Variants in SPHK2 observed in about 807,000 individuals in gnomAD.
SPHK2 encodes sphingosine kinase 2.
A neutral mutation model predicts 32.3 loss-of-function variants in SPHK2; 18 were observed. The ratio of observed to expected loss-of-function variants is 0.56; its 90% CI spans 0.39 to 0.83. The LOEUF (loss-of-function observed/expected upper bound fraction) is 0.83. Ranked by LOEUF, SPHK2 falls within the 40% of genes least tolerant of loss-of-function variation. The probability of loss-of-function intolerance (pLI) is 0.00; values close to 1 mark genes in which losing one functional copy is unlikely to be tolerated. For synonymous variants in SPHK2, 462 were observed against 417.6 expected (o/e 1.11, Z -1.30); for missense variants, 850 against 908.7 (o/e 0.94, Z 0.83).
In SPHK2 at chr19:48,629,651, C is replaced by G; in HGVS notation, c.1843C>G (p.Pro615Ala). ...TGCCTTCCGCCTAGAGCCGCTCACA[C>G]CACGCGGCGTGCTCACAGTGGACGG... ...ARAFRLEPLT[P>A]RGVLTVDGEQ... Residue 615 changes from proline (P) to alanine (A), a missense_variant, in exon 7 of 7, where the codon CCA becomes GCA. Coordinates refer to ENST00000245222, the MANE Select transcript of SPHK2 (RefSeq NM_020126.5). The G allele has an allele frequency of 6.2e-7, 1 of 1,603,738 alleles. No individual in the cohort carries two copies. Among genetic ancestry groups the G allele is most frequent in the Non-Finnish European group, 8.5e-7 (1 of 1,176,052 alleles).
rs562233822 is a variant in SPHK2 at position 48,629,911 on chromosome 19, A to G, written c.*138A>G. On this transcript the variant is annotated 3_prime_UTR_variant, in exon 7 of 7. Transcript: ENST00000245222. The stretch of plus-strand genomic sequence containing the variant: ...CCGTCTCAGGATTGCGCTCGCTTTC[A>G]TGGGACCAGACGTGATGCTGGAAGG... The G allele has an allele frequency of 5.2e-5, 74 of 1,434,724 alleles. 1 individual carries two copies. The East Asian group carries it at 1.6e-3, about 31-fold the overall frequency. The allele number at this position is 1,434,724 out of a possible 1,614,324, so 88.9% of individuals were successfully genotyped here. A position where few individuals can be genotyped will look rare whatever the true frequency, so the allele number is the denominator to read the frequency against.
intron 2 of SPHK2, chr19:48,625,576 G>A (rs1212203981): frequency 2.1e-5 from 29 of 1,403,218 alleles, no homozygotes; most frequent in Non-Finnish European, 2.6e-5. Context: ...TGAAGGCAAG[G>A]ATTTGGGGCT....
Position 48,628,561 on chromosome 19 carries a change from T to G in SPHK2, c.873-120T>G. On this transcript the variant is annotated intron_variant, in intron 6 of 6. Transcript: ENST00000245222. The surrounding 1 kb of genome is among the most constrained non-coding windows in gnomAD (Gnocchi z 5.2). Reference sequence around the variant, plus strand: ...AGTCGCCTGGAGGTGGCCCCACGGCTGTGGTGGGCCTGGGCCATGGCCTTC... The same window carrying G: ...AGTCGCCTGGAGGTGGCCCCACGGCGGTGGTGGGCCTGGGCCATGGCCTTC... 7.7e-7 allele frequency: 1 copy of G among 1,291,324 alleles called. No homozygotes were observed. The highest frequency in any genetic ancestry group is 1.1e-6 in the Non-Finnish European group (1 of 904,812). The allele number at this position is 1,291,324 out of a possible 1,614,324, so 80.0% of individuals were successfully genotyped here. A position where few individuals can be genotyped will look rare whatever the true frequency, so the allele number is the denominator to read the frequency against.
rs1974406788 is a variant in SPHK2 at position 48,621,596 on chromosome 19, G to C, written c.39+1043G>C. 2.0e-5 allele frequency among the ~76,000 whole-genome samples: 3 copies of C among 152,206 alleles called. No individual in the cohort carries two copies. The South Asian group carries it at 6.2e-4, about 32-fold the overall frequency. ...ATAATTTAGGAATCAGAGAAACTGA[G>C]GGGTTGAGGAGGATACTTATTATTT... On this transcript the variant is annotated intron_variant, in intron 2 of 6. Transcript: ENST00000245222.
rs1455324286 is a variant in SPHK2 at position 48,619,545 on chromosome 19, TGAG to T, written c.-114+7_-114+9del. The T allele has an allele frequency of 4.3e-6, 1 of 233,894 alleles. No individual in the cohort carries two copies. The highest frequency in any genetic ancestry group is 8.5e-6 in the Non-Finnish European group (1 of 117,334). The allele number at this position is 233,894 out of a possible 1,614,324, so 14.5% of individuals were successfully genotyped here. ...GACCCGGCGGGCCCAGTGTTGGAGG[TGAG>T]GAGGCGGGGCTGGCAGGGCTAGTCG... On this transcript the variant is annotated splice_donor_5th_base_variant and intron_variant, in intron 1 of 6. Coordinates refer to ENST00000245222, the MANE Select transcript of SPHK2 (RefSeq NM_020126.5).
intron 2 of SPHK2, chr19:48,624,601 T>G (rs1317010864): frequency 6.6e-6 from 1 of 151,314 alleles, no homozygotes; most frequent in Non-Finnish European, 1.5e-5. Flanking sequence ...GAAATAAGAG[T>G]GCGGATGGCG....
intron 2 of SPHK2, chr19:48,624,003 CG>C (rs1974507448): frequency 6.6e-6 from 1 of 152,286 alleles, no homozygotes; most frequent in South Asian, 2.1e-4. Flanking sequence ...GTGTCTGGAT[CG>C]GATCTCTGGG....
rs748176993 is a variant in SPHK2 at position 48,628,451 on chromosome 19, C to G, written c.872+174C>G. 2.2e-6 allele frequency: 2 copies of G among 897,608 alleles called. No individual in the cohort carries two copies. The highest frequency in any genetic ancestry group is 2.6e-5 in the South Asian group (2 of 76,346). The allele number at this position is 897,608 out of a possible 1,614,324, so 55.6% of individuals were successfully genotyped here. On this transcript the variant is annotated intron_variant, in intron 6 of 6. Transcript: ENST00000245222. This position sits in a 1 kb window ranked among gnomAD's most constrained non-coding sequence, Gnocchi z 5.2. ...GCCTGCTTCCCAGCTGTATCCCGAGCGCCCAGAACTCTGCCTGGCATGGGA... is the reference window on the plus strand; with the variant it reads ...GCCTGCTTCCCAGCTGTATCCCGAGGGCCCAGAACTCTGCCTGGCATGGGA...
At chr19:48,625,557 C>CA in intron 2 of SPHK2, 1 of 1,337,820 alleles carries the variant, frequency 7.5e-7, no homozygotes, top group Non-Finnish European at 9.8e-7. Context: ...TCTTGTTTAT[C>CA]TATTCCTATG....
chr19:48,629,653 A>G lies in SPHK2; in HGVS notation c.1845A>G (p.Pro615=). ...CCTTCCGCCTAGAGCCGCTCACACCACGCGGCGTGCTCACAGTGGACGGGG... is the reference window on the plus strand; with the variant it reads ...CCTTCCGCCTAGAGCCGCTCACACCGCGCGGCGTGCTCACAGTGGACGGGG... ...ARAFRLEPLT[P]RGVLTVDGEQ... is the part of the protein sequence containing the mutation. Residue 615 remains proline (P), a synonymous_variant, in exon 7 of 7, where the codon CCA becomes CCG. Coordinates refer to ENST00000245222, the MANE Select transcript of SPHK2 (RefSeq NM_020126.5). 3.1e-6 allele frequency: 5 copies of G among 1,604,162 alleles called. No individual in the cohort carries two copies. Among genetic ancestry groups the G allele is most frequent in the Middle Eastern group, 1.7e-4 (1 of 6,048 alleles).
rs1275708357 is a variant in SPHK2 at position 48,629,876 on chromosome 19, G to A, written c.*103G>A. 2.7e-6 allele frequency: 4 copies of A among 1,459,484 alleles called. No homozygotes were observed. The East Asian group carries it at 9.8e-5, about 36-fold the overall frequency. 90.4% of individuals were successfully genotyped at this position (1,459,484 alleles called of 1,614,324 possible). On this transcript the variant is annotated 3_prime_UTR_variant, in exon 7 of 7. Transcript: ENST00000245222. ...TGGCTGCTAGAGTTGTGGTGGCAGG[G>A]GCCCTGGCCCCGTCTCAGGATTGCG...
At position 48,620,920 on chromosome 19, in the gene SPHK2, C is replaced by CAA. The variant is rs761243344; in HGVS notation, c.39+378_39+379dup. The CAA allele has an allele frequency of 1.8e-3, 217 of 122,088 alleles. 1 individual carries two copies. The highest frequency in any genetic ancestry group is 5.1e-3 in the African/African-American group (178 of 34,918). The allele number at this position is 122,088 out of a possible 1,614,324, so 7.6% of individuals were successfully genotyped here. A position where few individuals can be genotyped will look rare whatever the true frequency, so the allele number is the denominator to read the frequency against. ...TGGGTGACAGAGTGAGACTCCGTCT[C>CAA]AAAAAAAAAAAAGAAAAAACAGGGT... is the stretch of plus-strand genomic sequence containing the variant. On this transcript the variant is annotated intron_variant, in intron 2 of 6. Transcript: ENST00000245222.
At position 48,629,034 on chromosome 19, in the gene SPHK2, C is replaced by T. The variant is rs768047205; in HGVS notation, c.1226C>T (p.Pro409Leu). The T allele has an allele frequency of 2.9e-5, 47 of 1,613,388 alleles. No individual in the cohort carries two copies. Among genetic ancestry groups the T allele is most frequent in the African/African-American group, 9.3e-5 (7 of 75,022 alleles). The stretch of plus-strand genomic sequence containing the variant: ...CTGACCCTAACCCCAGACCCAGCCC[C>T]GCCCATGGCCCACTCACCCCTGCAT... The part of the protein sequence containing the change: ...SELTLTPDPA[P>L]PMAHSPLHRS... Residue 409 changes from proline to leucine, a missense_variant, in exon 7 of 7, where the codon CCG becomes CTG. By Grantham distance (98) the Pro-to-Leu change is moderately conservative. Around this residue, in one of 2 missense-constraint regions of SPHK2, gnomAD observed 544 missense variants for 640.0 expected, o/e 0.85. Coordinates refer to ENST00000245222, the MANE Select transcript of SPHK2 (RefSeq NM_020126.5).
At position 48,628,026 on chromosome 19, in the gene SPHK2, G is replaced by A. The variant is rs778214647; in HGVS notation, c.713G>A (p.Trp238Ter). Residue 238 changes from tryptophan to a stop codon, truncating the protein, a stop_gained, in exon 5 of 7, where the codon TGG becomes TAG. Coordinates refer to ENST00000245222, the MANE Select transcript of SPHK2 (RefSeq NM_020126.5). LOFTEE classifies it high-confidence loss of function. This position sits in a 1 kb window ranked among gnomAD's most constrained non-coding sequence, Gnocchi z 5.2. Reference sequence around the variant, plus strand: ...GTCCAGGGGCTGAGCCTGAGTGAGTGGGATGGCATCGTCACGGTCTCGGGA... The same window carrying A: ...GTCCAGGGGCTGAGCCTGAGTGAGTAGGATGGCATCGTCACGGTCTCGGGA... ...ELVQGLSLSE[W>*]DGIVTVSGDG... is the part of the protein sequence containing the mutation. 44 of 1,596,462 alleles carry A rather than the reference G, an allele frequency of 2.8e-5. No homozygotes were observed. The highest frequency in any genetic ancestry group is 3.6e-5 in the Non-Finnish European group (42 of 1,168,244).
intron 2 of SPHK2, chr19:48,625,206 T>C: frequency 9.6e-7 from 1 of 1,038,684 alleles, no homozygotes; most frequent in Non-Finnish European, 1.2e-6. Context: ...GTACCCCTCC[T>C]ATTTGCTCTC....
At position 48,620,614 on chromosome 19, in the gene SPHK2, T is replaced by A. The variant is rs545600540; in HGVS notation, c.39+61T>A. ...GTGGAAAGACAAAATCTGAAGCTTT[T>A]CTTTAAAAAAAAAAAAAAAAAATTG... On this transcript the variant is annotated intron_variant, in intron 2 of 6. Coordinates refer to ENST00000245222, the MANE Select transcript of SPHK2 (RefSeq NM_020126.5). The A allele has an allele frequency of 1.1e-4, 153 of 1,369,734 alleles. 1 individual carries two copies. In the South Asian group the frequency reaches 1.9e-3, roughly 17 times the overall value. 84.8% of individuals were successfully genotyped at this position (1,369,734 alleles called of 1,614,324 possible).
chr19:48,625,400 G>C, intron 2 of SPHK2: 1 of 1,179,640 alleles, frequency 8.5e-7, no homozygotes, highest in Non-Finnish European at 1.1e-6. Context: ...ACCGTATGGG[G>C]GGTGGGGGTG....
intron 2 of SPHK2, among the ~76,000 whole-genome samples, chr19:48,621,349 G>C (rs1006261106): frequency 1.3e-5 from 2 of 152,156 alleles, no homozygotes; most frequent in African/African-American, 4.8e-5. Context: ...AAAGTGCTGG[G>C]ATTACAGGCA....
Position 48,619,546 on chromosome 19 carries a change from G to A in SPHK2, c.-114+3G>A. ...ACCCGGCGGGCCCAGTGTTGGAGGT[G>A]AGGAGGCGGGGCTGGCAGGGCTAGT... On this transcript the variant is annotated splice_donor_region_variant and intron_variant, in intron 1 of 6. Coordinates refer to ENST00000245222, the MANE Select transcript of SPHK2 (RefSeq NM_020126.5). 1 of 234,090 alleles carries A rather than the reference G, an allele frequency of 4.3e-6. No homozygotes were observed. The highest frequency in any genetic ancestry group is 8.5e-6 in the Non-Finnish European group (1 of 117,094). The allele number at this position is 234,090 out of a possible 1,614,324, so 14.5% of individuals were successfully genotyped here.
Sources: allele counts gnomAD v4.1 joint callset (sites outside exome capture counted in the v4.1 genomes callset), GRCh38; gene constraint gnomAD v4.1.1; regional missense constraint gnomAD v4.1.1; non-coding constraint Gnocchi (gnomAD v3.1); transcripts MANE v1.5; gene names NCBI Gene and HGNC (gene_info 2026-07-23, HGNC 2026-07-21).